The following PTPRM variants were observed in gnomAD, a reference collection of about 807,000 sequenced individuals.
The protein encoded by PTPRM is protein tyrosine phosphatase receptor type M.
A neutral mutation model predicts 186.7 loss-of-function variants in PTPRM; 47 were observed. The ratio of observed to expected loss-of-function variants is 0.25; its 90% CI spans 0.20 to 0.32. The LOEUF (loss-of-function observed/expected upper bound fraction) is 0.32. PTPRM is among the 10% of genes least tolerant of loss of function. The pLI, the probability that PTPRM is intolerant of heterozygous loss-of-function variation, is 1.00. For missense variants in PTPRM, 1,494 were observed against 1,865.0 expected (o/e 0.80, Z 3.66); for synonymous variants, 668 against 674.9 (o/e 0.99, Z 0.16).
intron 23 of PTPRM, among the ~76,000 whole-genome samples, chr18:8,361,937 G>C (rs559160930): frequency 1.3e-5 from 2 of 152,100 alleles, no homozygotes; most frequent in Non-Finnish European, 2.9e-5. Context: ...AAAGAATATC[G>C]TGTGTGTGTT....
At chr18:7,592,091 A>G (rs1397672968) in intron 1 of PTPRM, among the ~76,000 whole-genome samples, 1 of 152,218 alleles carries the variant, frequency 6.6e-6, no homozygotes, top group Non-Finnish European at 1.5e-5. Flanking sequence ...TATTTATTGC[A>G]TTACATATTT....
chr18:7,925,953 C>T (rs2051149290), intron 4 of PTPRM, among the ~76,000 whole-genome samples: 1 of 152,178 alleles, frequency 6.6e-6, no homozygotes, highest in Non-Finnish European at 1.5e-5. Flanking sequence ...TGGAATCCTT[C>T]TTTGTTCTTG....
chr18:8,286,454 A>G (rs957234852), intron 19 of PTPRM, among the ~76,000 whole-genome samples: 9 of 152,156 alleles, frequency 5.9e-5, no homozygotes, highest in African/African-American at 2.2e-4. Context: ...TCTGCTCCAT[A>G]CCAGTGCAGG....
chr18:8,275,030 G>A (rs755942982), intron 19 of PTPRM, among the ~76,000 whole-genome samples: 22 of 152,276 alleles, frequency 1.4e-4, no homozygotes, highest in Middle Eastern at 3.4e-3. Context: ...GTAAGAAAAT[G>A]CATAAAAAAT....
chr18:7,981,742 G>C (rs2082563348), intron 7 of PTPRM, among the ~76,000 whole-genome samples: 3 of 152,178 alleles, frequency 2.0e-5, no homozygotes, highest in Admixed American at 2.0e-4. Context: ...ATCAGAGGTA[G>C]CAAGGCCAGC....
chr18:8,395,563 A>C (rs1375271850), intron 32 of PTPRM, among the ~76,000 whole-genome samples: 1 of 152,162 alleles, frequency 6.6e-6, no homozygotes, highest in South Asian at 2.1e-4. Flanking sequence ...TCTCCAGGGC[A>C]TCCACTTTGC....
intron 22 of PTPRM, among the ~76,000 whole-genome samples, chr18:8,330,994 C>T (rs1461919966): frequency 6.6e-6 from 1 of 152,148 alleles, no homozygotes; most frequent in Non-Finnish European, 1.5e-5. Flanking sequence ...CCATTTTATT[C>T]TTTTCTATAT....
chr18:7,930,175 C>T (rs894187070), intron 5 of PTPRM, among the ~76,000 whole-genome samples: 21 of 151,914 alleles, frequency 1.4e-4, no homozygotes, highest in Non-Finnish European at 2.9e-4. Flanking sequence ...CTTAGATGAT[C>T]CTCCCACCTC....
At chr18:8,240,462 A>AGG (rs1555813159) in intron 14 of PTPRM, among the ~76,000 whole-genome samples, 3,568 of 62,094 alleles carry the variant, frequency 0.057, 364 homozygotes, top group African/African-American at 0.17. Context: ...AGAGAGAGAG[A>AGG]GAGGGAGGGA....
At chr18:8,374,688 T>A (rs2095684608) in intron 24 of PTPRM, among the ~76,000 whole-genome samples, 1 of 152,258 alleles carries the variant, frequency 6.6e-6, no homozygotes, top group Non-Finnish European at 1.5e-5. Flanking sequence ...ACTGCTTAAT[T>A]CCTTATAGCT....
At chr18:8,062,813 G>C (rs1205725694) in intron 7 of PTPRM, among the ~76,000 whole-genome samples, 180 of 91,822 alleles carry the variant, frequency 2.0e-3, no homozygotes, top group Non-Finnish European at 2.8e-3. Context: ...CAGTCTGCCC[G>C]TTCTCAGATC....
chr18:7,913,078 C>G (rs899225897), intron 4 of PTPRM, among the ~76,000 whole-genome samples: 7 of 150,446 alleles, frequency 4.7e-5, no homozygotes, highest in East Asian at 1.9e-4. Context: ...AAATTTATTC[C>G]TAAGTATTTT....
intron 1 of PTPRM, among the ~76,000 whole-genome samples, chr18:7,686,741 G>GA (rs906193321): frequency 2.0e-5 from 3 of 152,012 alleles, no homozygotes; most frequent in Admixed American, 6.6e-5. Flanking sequence ...TGTCTAACAT[G>GA]AAAAAAACCT....
At chr18:7,627,968 A>G (rs2038100847) in intron 1 of PTPRM, among the ~76,000 whole-genome samples, 1 of 152,192 alleles carries the variant, frequency 6.6e-6, no homozygotes, top group African/African-American at 2.4e-5. Context: ...GTCTATTTGA[A>G]AACAAAAAGC....
At chr18:7,721,880 C>G (rs891570063) in intron 1 of PTPRM, among the ~76,000 whole-genome samples, 8 of 152,140 alleles carry the variant, frequency 5.3e-5, no homozygotes, top group African/African-American at 1.9e-4. Context: ...CAGAAATAAT[C>G]AAATGAAATG....
At chr18:7,658,337 TA>T in intron 1 of PTPRM, among the ~76,000 whole-genome samples, 1 of 93,316 alleles carries the variant, frequency 1.1e-5, no homozygotes, top group African/African-American at 6.4e-5. Flanking sequence ...AATTTATATA[TA>T]TATATATATA....
intron 29 of PTPRM, 137 bp from the exon 30 acceptor site, chr18:8,384,424 C>G: frequency 1.0e-6 from 1 of 989,752 alleles, no homozygotes; most frequent in South Asian, 1.6e-5. Flanking sequence ...CACCACTGCA[C>G]TCTAGCTGGG....
In PTPRM at chr18:7,676,810, G is replaced by A. The variant is rs146623160; in HGVS notation, c.74-97339G>A. Among the ~76,000 whole-genome samples, 61 of 152,208 alleles carry A rather than the reference G, an allele frequency of 4.0e-4. 1 individual carries two copies. The highest frequency in any genetic ancestry group is 1.5e-3 in the African/African-American group (61 of 41,530). On this transcript the variant is annotated intron_variant, in intron 1 of 32. Transcript: ENST00000580170. Reference sequence around the variant, plus strand: ...AATGTGCCAGATTATTTAAAAACTGGAACAATATAACAGATGTTTTTTAAG... The same window carrying A: ...AATGTGCCAGATTATTTAAAAACTGAAACAATATAACAGATGTTTTTTAAG...
At chr18:8,341,015 G>A (rs1002121235) in intron 22 of PTPRM, among the ~76,000 whole-genome samples, 1 of 152,118 alleles carries the variant, frequency 6.6e-6, no homozygotes, top group African/African-American at 2.4e-5. Flanking sequence ...AGCCTTGGGT[G>A]GGGAAACTGA....
Sources: allele counts gnomAD v4.1 joint callset (sites outside exome capture counted in the v4.1 genomes callset), GRCh38; gene constraint gnomAD v4.1.1; transcripts MANE v1.5; gene names NCBI Gene and HGNC (gene_info 2026-07-23, HGNC 2026-07-21).